SCHIP1: variants seen among roughly 807,000 people sequenced by gnomAD.
SCHIP1 encodes schwannomin-interacting protein 1.
A neutral mutation model predicts 29.7 loss-of-function variants in SCHIP1; 8 were observed. The ratio of observed to expected loss-of-function variants is 0.27; its 90% confidence interval spans 0.16 to 0.49. SCHIP1 has a LOEUF of 0.49. Ranked by LOEUF, SCHIP1 falls within the 20% of genes least tolerant of loss-of-function variation. SCHIP1 has a pLI of 0.99. For synonymous variants in SCHIP1, 76 were observed against 94.9 expected (o/e 0.80, Z 1.16); for missense variants, 193 against 294.6 (o/e 0.66, Z 2.52).
chr3:159,830,715 G>A, the SCHIP1 span, among the ~76,000 whole-genome samples: 1 of 152,144 alleles, frequency 6.6e-6, no homozygotes, highest in Non-Finnish European at 1.5e-5. Flanking sequence ...CATCTATAGT[G>A]TGGGAAATGA....
the SCHIP1 span, among the ~76,000 whole-genome samples, chr3:159,452,866 G>T: frequency 6.6e-6 from 1 of 152,186 alleles, no homozygotes; most frequent in Non-Finnish European, 1.5e-5. Flanking sequence ...CACAGCCAAT[G>T]CAAGAGAGAA....
chr3:159,772,364 G>A, the SCHIP1 span, among the ~76,000 whole-genome samples: 8 of 152,270 alleles, frequency 5.3e-5, no homozygotes, highest in Admixed American at 2.6e-4. Context: ...GACTGGTCTC[G>A]AACTCCTGAC....
At chr3:159,853,491 T>C (rs1422650465) in intron 1 of SCHIP1, 2 of 675,122 alleles carry the variant, frequency 3.0e-6, no homozygotes, top group Non-Finnish European at 5.4e-6. Flanking sequence ...TTATAAACAA[T>C]TGAACCATTT....
chr3:159,683,488 C>T, the SCHIP1 span, among the ~76,000 whole-genome samples: 3 of 151,926 alleles, frequency 2.0e-5, no homozygotes, highest in Non-Finnish European at 4.4e-5. Flanking sequence ...CTAGATTTTT[C>T]GTGCCATTCT....
the SCHIP1 span, among the ~76,000 whole-genome samples, chr3:159,554,065 T>C: frequency 6.7e-6 from 1 of 150,034 alleles, no homozygotes; most frequent in South Asian, 2.1e-4. Flanking sequence ...AGAGACGGGG[T>C]GCCACCGTGT....
At chr3:159,510,746 T>C in the SCHIP1 span, among the ~76,000 whole-genome samples, 3 of 152,232 alleles carry the variant, frequency 2.0e-5, no homozygotes, top group South Asian at 2.1e-4. Context: ...CAGACCCTGT[T>C]TGCCTGGGTA....
At chr3:159,545,666 G>A in the SCHIP1 span, among the ~76,000 whole-genome samples, 1 of 146,044 alleles carries the variant, frequency 6.8e-6, no homozygotes, top group Non-Finnish European at 1.5e-5. Context: ...AGATATATAT[G>A]TATATAATAT....
rs1717115639 is a variant in SCHIP1 at position 159,887,915 on chromosome 3, A to C, written c.465+10A>C. ...TCCCGTCGCTGATCTTGTAAGCAGC[A>C]AAGGCTGAAATGCAAGGAAGTGTTT... On this transcript the variant is annotated intron_variant, in intron 4 of 6. Transcript: ENST00000445224. 6.2e-7 allele frequency: 1 copy of C among 1,613,864 alleles called. No homozygotes were observed. Among genetic ancestry groups the C allele is most frequent in the East Asian group, 2.2e-5 (1 of 44,884 alleles).
the SCHIP1 span, among the ~76,000 whole-genome samples, chr3:159,667,045 A>C: frequency 6.6e-6 from 1 of 152,222 alleles, no homozygotes; most frequent in Non-Finnish European, 1.5e-5. Flanking sequence ...AATGGCAATG[A>C]TGTGTGTGTT....
the SCHIP1 span, among the ~76,000 whole-genome samples, chr3:159,352,795 A>G: frequency 1.3e-5 from 2 of 149,184 alleles, no homozygotes; most frequent in South Asian, 2.1e-4. Context: ...TTTAACATGT[A>G]TTGGGAAAAA....
the SCHIP1 span, among the ~76,000 whole-genome samples, chr3:159,351,546 AT>A: frequency 6.6e-6 from 1 of 152,046 alleles, no homozygotes; most frequent in Non-Finnish European, 1.5e-5. Context: ...CAGTCTTTTT[AT>A]TTTAATATTT....
intron 6 of SCHIP1, chr3:159,893,761 G>C (rs6768013): frequency 5.5e-4 from 83 of 152,204 alleles, no homozygotes; most frequent in African/African-American, 1.9e-3. Context: ...CTAATTTAAA[G>C]GTGTTGGAGG....
chr3:159,432,325 TGTGTGTGTGTGTGTGAGAGA>T, the SCHIP1 span, among the ~76,000 whole-genome samples: 31 of 102,302 alleles, frequency 3.0e-4, no homozygotes, highest in African/African-American at 4.4e-4. Flanking sequence ...TGTGTGTGTG[TGTGTGTGTGTGTGTGAGAGA>T]GAGAGAGAGA....
At chr3:159,496,440 C>T in the SCHIP1 span, among the ~76,000 whole-genome samples, 41 of 152,162 alleles carry the variant, frequency 2.7e-4, 1 homozygote, top group Non-Finnish European at 4.3e-4. Flanking sequence ...AAAAAGTAAG[C>T]GAAGGATATG....
chr3:159,599,399 C>T, the SCHIP1 span, among the ~76,000 whole-genome samples: 3,362 of 152,062 alleles, frequency 0.022, 112 homozygotes, highest in African/African-American at 0.075. Context: ...GTGTTTTATC[C>T]CTCACCCACC....
chr3:159,844,286 T>A (rs968229476), intron 1 of SCHIP1, among the ~76,000 whole-genome samples: 1 of 152,230 alleles, frequency 6.6e-6, no homozygotes, highest in Admixed American at 6.5e-5. Flanking sequence ...GTTTCGCTGC[T>A]ACCAAGAGCC....
chr3:159,881,353 G>A (rs1380390851), intron 2 of SCHIP1, among the ~76,000 whole-genome samples: 1 of 151,996 alleles, frequency 6.6e-6, no homozygotes, highest in East Asian at 1.9e-4. Context: ...AAAATAAATG[G>A]AAATAATGTA....
chr3:159,694,808 G>A, the SCHIP1 span, among the ~76,000 whole-genome samples: 1 of 152,112 alleles, frequency 6.6e-6, no homozygotes, highest in Non-Finnish European at 1.5e-5. Flanking sequence ...CATATCTGGG[G>A]TTCCTGAAGC....
At chr3:159,524,865 C>A in the SCHIP1 span, among the ~76,000 whole-genome samples, 5 of 152,168 alleles carry the variant, frequency 3.3e-5, no homozygotes, top group African/African-American at 9.7e-5. Context: ...CTCCTGCATG[C>A]CCCTCCTTCA....
Sources: allele counts gnomAD v4.1 joint callset (sites outside exome capture counted in the v4.1 genomes callset), GRCh38; gene constraint gnomAD v4.1.1; transcripts MANE v1.5; gene names NCBI Gene and HGNC (gene_info 2026-07-23, HGNC 2026-07-21).